Variants in HDAC8 observed in about 807,000 individuals in gnomAD.
HDAC8 encodes the protein histone deacetylase 8.
Under a neutral mutation model 32.2 loss-of-function variants are expected in HDAC8, and 1 was observed. That is an observed-to-expected ratio of 0.03 (90% CI 0.01 to 0.15). The LOEUF is 0.15. Ranked by LOEUF, HDAC8 falls within the 10% of genes least tolerant of loss-of-function variation. The pLI is 1.00. For missense variants in HDAC8, 117 were observed against 300.0 expected, an observed-to-expected ratio of 0.39 and a Z score of 4.51; for synonymous variants, 108 against 113.9, an observed-to-expected ratio of 0.95 and a Z score of 0.33.
At chrX:72,344,993 C>T (rs1301803982) in intron 10 of HDAC8, among the ~76,000 whole-genome samples, 1 of 111,495 alleles carries the variant, frequency 9.0e-6, no homozygotes, top group Non-Finnish European at 1.9e-5. Context: ...AATCGGCCCC[C>T]CATCCCCACC....
At chrX:72,515,178 C>A (rs2049750456) in intron 4 of HDAC8, among the ~76,000 whole-genome samples, 1 of 110,573 alleles carries the variant, frequency 9.0e-6, no homozygotes, top group Admixed American at 9.6e-5. Flanking sequence ...AAACTGTATC[C>A]CCTGACCAAC....
chrX:72,447,900 G>A (rs782485000), intron 9 of HDAC8, among the ~76,000 whole-genome samples: 1 of 111,591 alleles, frequency 9.0e-6, no homozygotes, highest in African/African-American at 3.3e-5. Flanking sequence ...CCTCTTCAAG[G>A]AGAACTACAA....
At position 72,351,739 on chromosome X, in the gene HDAC8, T is replaced by C. The variant is rs1555948950; in HGVS notation, c.1105A>G (p.Ile369Val). The change falls in exon 10 of 11, where the codon ATC (isoleucine) becomes GTC (valine). Residue 369 changes from isoleucine (I) to valine (V), a missense_variant. This residue lies in a region of HDAC8 where 18 missense variants were observed against 25.7 expected (regional missense o/e 0.70). Coordinates refer to ENST00000373573, the MANE Select transcript of HDAC8 (RefSeq NM_018486.3). ...CTCGAGGGGCGGTGCTCACCTTTGA[T>C]GTAGTTGAGGATTTGTTGGATTCGG... ...PHRIQQILNY[I>V]KGNLKHVV 5.8e-6 allele frequency: 7 copies of C among 1,201,213 alleles called. No homozygotes were observed. The highest frequency in any genetic ancestry group is 1.7e-5 in the African/African-American group (1 of 57,735).
chrX:72,382,389 C>T (rs1423475226), intron 9 of HDAC8, among the ~76,000 whole-genome samples: 3 of 112,047 alleles, frequency 2.7e-5, no homozygotes, highest in African/African-American at 9.7e-5. Flanking sequence ...TGGCTCAGCA[C>T]AAATATGCCA....
chrX:72,519,393 T>C (rs2049911310), intron 4 of HDAC8, among the ~76,000 whole-genome samples: 1 of 112,015 alleles, frequency 8.9e-6, no homozygotes, highest in South Asian at 3.8e-4. Context: ...TTTTCCAAAG[T>C]AGCCGTACCA....
intron 9 of HDAC8, among the ~76,000 whole-genome samples, chrX:72,423,764 T>C (rs1555974475): frequency 8.9e-6 from 1 of 112,109 alleles, no homozygotes; most frequent in Non-Finnish European, 1.9e-5. Flanking sequence ...GTCCTCTTAG[T>C]ACTATCAACC....
chrX:72,471,805 C>G (rs1279122905), intron 7 of HDAC8, among the ~76,000 whole-genome samples: 2 of 111,651 alleles, frequency 1.8e-5, no homozygotes, highest in African/African-American at 6.5e-5. Context: ...GTTATCTTTG[C>G]ACTCTCTTGA....
At chrX:72,529,290 G>A (rs2050254865) in intron 4 of HDAC8, among the ~76,000 whole-genome samples, 1 of 112,230 alleles carries the variant, frequency 8.9e-6, no homozygotes, top group Admixed American at 9.4e-5. Flanking sequence ...AGATGAGAGC[G>A]ATTAGCTTGC....
intron 6 of HDAC8, 71 bp from the exon 7 acceptor site, chrX:72,489,112 G>T: frequency 2.8e-6 from 2 of 706,280 alleles, no homozygotes; most frequent in Non-Finnish European, 4.2e-6. Context: ...AGGATTTCCT[G>T]ATAGGGAAAT....
chrX:72,391,858 G>A (rs1185503362), intron 9 of HDAC8, among the ~76,000 whole-genome samples: 4 of 111,083 alleles, frequency 3.6e-5, no homozygotes, highest in Non-Finnish European at 7.5e-5. Context: ...CTCTTTGCAA[G>A]GAACCTCTAC....
intron 10 of HDAC8, among the ~76,000 whole-genome samples, chrX:72,340,327 G>A (rs1327499673): frequency 9.0e-6 from 1 of 111,577 alleles, no homozygotes; most frequent in African/African-American, 3.3e-5. Flanking sequence ...ACAGAGCTCC[G>A]AGGTTCTTTG....
chrX:72,436,749 A>C (rs2046961661), intron 9 of HDAC8, among the ~76,000 whole-genome samples: 1 of 111,385 alleles, frequency 9.0e-6, no homozygotes, highest in African/African-American at 3.3e-5. Context: ...CAAAAACTAT[A>C]AGACTGATGT....
Position 72,329,776 on chromosome X carries a change from A to AGAT in HDAC8, c.*275_*277dup, listed in dbSNP as rs1448697932. ...CAATTCGCTTAAAAATAATTTTCAA[A>AGAT]GATTAAAAATTTCATTTGTGTGTGT... On this transcript the variant is annotated 3_prime_UTR_variant, in exon 11 of 11. Transcript: ENST00000373573. The AGAT allele has an allele frequency of 4.4e-6, 5 of 1,123,773 alleles. No individual in the cohort carries two copies. The African/African-American group carries it at 9.2e-5, about 21-fold the overall frequency. 92.6% of individuals were successfully genotyped at this position (1,123,773 alleles called of 1,213,427 possible). A position where few individuals can be genotyped will look rare whatever the true frequency, so the allele number is the denominator to read the frequency against.
intron 9 of HDAC8, among the ~76,000 whole-genome samples, chrX:72,387,565 T>C (rs1447350843): frequency 8.9e-6 from 1 of 111,835 alleles, no homozygotes; most frequent in Non-Finnish European, 1.9e-5. Context: ...AGAGCCACCC[T>C]GCCTGGGTCT....
intron 2 of HDAC8, among the ~76,000 whole-genome samples, chrX:72,569,991 G>T (rs2051956133): frequency 1.8e-5 from 2 of 112,449 alleles, no homozygotes; most frequent in African/African-American, 6.5e-5. Flanking sequence ...CAGGGAGGCA[G>T]CAGTGGTTTT....
rs143740156 is a variant in HDAC8 at position 72,388,514 on chromosome X, C to T, written c.1006-36676G>A. ...CAAAATGGATCTGGAATCTAGAGGA[C>T]CACAAAGGCCTCCTAACTGGCCTTT... On this transcript the variant is annotated intron_variant, in intron 9 of 10. Transcript: ENST00000373573. Among the ~76,000 whole-genome samples, 592 of 108,602 alleles carry T rather than the reference C, an allele frequency of 5.5e-3. 2 individuals carry two copies. The highest frequency in any genetic ancestry group is 0.019 in the African/African-American group (568 of 29,567). The allele number at this position is 108,602 out of a possible 115,157, so 94.3% of individuals were successfully genotyped here.
At position 72,349,226 on chromosome X, in the gene HDAC8, AG is replaced by A. The variant is rs1382290720; in HGVS notation, c.1111+2506del. On this transcript the variant is annotated intron_variant, in intron 10 of 10. Coordinates refer to ENST00000373573, the MANE Select transcript of HDAC8 (RefSeq NM_018486.3). ...CCACATCCCCGAGGTCTTCTCCAAA[AG>A]GTTCCAGCACCTCCAACCAGACCTT... Among the ~76,000 whole-genome samples the A allele has an allele frequency of 5.3e-5, 6 of 112,291 alleles. No homozygotes were observed. In the South Asian group the frequency reaches 1.1e-3, roughly 21 times the overall value.
intron 9 of HDAC8, among the ~76,000 whole-genome samples, chrX:72,377,576 C>T (rs2045120738): frequency 9.0e-6 from 1 of 111,639 alleles, no homozygotes; most frequent in Admixed American, 9.6e-5. Flanking sequence ...TTTTGGTGCT[C>T]TGTTGTTAGG....
At chrX:72,465,260 G>T (rs998032427) in intron 7 of HDAC8, among the ~76,000 whole-genome samples, 1 of 111,478 alleles carries the variant, frequency 9.0e-6, no homozygotes, top group East Asian at 2.8e-4. Flanking sequence ...GTTATGAAAT[G>T]CAATCCTCCC....
Sources: allele counts gnomAD v4.1 joint callset (sites outside exome capture counted in the v4.1 genomes callset), GRCh38; gene constraint gnomAD v4.1.1; regional missense constraint gnomAD v4.1.1; transcripts MANE v1.5; gene names NCBI Gene and HGNC (gene_info 2026-07-23, HGNC 2026-07-21).